Variants in KCNQ5 observed in about 807,000 individuals in gnomAD.
KCNQ5 encodes potassium voltage-gated channel subfamily KQT member 5.
A neutral mutation model predicts 98.2 loss-of-function variants in KCNQ5; 30 were observed. That is an observed-to-expected ratio of 0.31 (90% CI 0.23 to 0.41). The LOEUF (loss-of-function observed/expected upper bound fraction) is 0.41. Ranked by LOEUF, KCNQ5 falls within the 10% of genes least tolerant of loss-of-function variation. KCNQ5 has a pLI of 1.00. For missense variants in KCNQ5, 835 were observed against 1,182.5 expected, an observed-to-expected ratio of 0.71 and a Z score of 4.31; for synonymous variants, 458 against 449.4, an observed-to-expected ratio of 1.02 and a Z score of -0.24.
intron 1 of KCNQ5, among the ~76,000 whole-genome samples, chr6:72,663,383 A>C (rs928364856): frequency 3.3e-5 from 5 of 152,198 alleles, no homozygotes; most frequent in African/African-American, 1.2e-4. Flanking sequence ...TGGTAATCAT[A>C]TTTGGTATTT....
chr6:72,689,808 C>A (rs1768124439), intron 1 of KCNQ5, among the ~76,000 whole-genome samples: 2 of 148,384 alleles, frequency 1.3e-5, no homozygotes, highest in Non-Finnish European at 1.5e-5. Context: ...AACCTCAGTG[C>A]AACAGGAAAG....
At chr6:72,963,714 G>A (rs77446245) in intron 1 of KCNQ5, among the ~76,000 whole-genome samples, 14,896 of 151,942 alleles carry the variant, frequency 0.098, 862 homozygotes, top group East Asian at 0.23. Context: ...CCACACTGGA[G>A]TGCAGTGGTG....
Position 73,133,588 on chromosome 6 carries a change from G to A in KCNQ5, c.1415G>A (p.Arg472His). Residue 472 changes from arginine to histidine, a missense_variant, in exon 10 of 14, where the codon CGC (arginine) becomes CAC (histidine). This residue lies in a region of KCNQ5 where 146 missense variants were observed against 256.7 expected (regional missense o/e 0.57). Transcript: ENST00000370398. Reference protein sequence around the residue: ...QKSWSFNDRTRFRPSLRLKSS... With the variant: ...QKSWSFNDRTHFRPSLRLKSS... ...AGCTGGAGCTTCAACGACCGAACCCGCTTCCGGCCCTCGCTGCGCCTCAAA... is the reference window on the plus strand; with the variant it reads ...AGCTGGAGCTTCAACGACCGAACCCACTTCCGGCCCTCGCTGCGCCTCAAA... 1.2e-6 allele frequency: 2 copies of A among 1,614,196 alleles called. No individual in the cohort carries two copies. Among genetic ancestry groups the A allele is most frequent in the Non-Finnish European group, 1.7e-6 (2 of 1,180,030 alleles).
rs79666248 is a variant in KCNQ5, at chr6:72,684,571, C to T, written c.398+61984C>T. Among the ~76,000 whole-genome samples, 1,471 of 152,232 alleles carry T rather than the reference C, an allele frequency of 9.7e-3. 24 individuals carry two copies. The highest frequency in any genetic ancestry group is 0.033 in the African/African-American group (1,391 of 41,532). On this transcript the variant is annotated intron_variant, in intron 1 of 13. Coordinates refer to ENST00000370398, the MANE Select transcript of KCNQ5 (RefSeq NM_019842.4). ...ATTGTATACATGTATCAAAATATCA[C>T]ACTGTATCTCCAAAATAGGTACAAT...
intron 2 of KCNQ5, among the ~76,000 whole-genome samples, chr6:73,012,736 G>T (rs1439528028): frequency 6.6e-6 from 1 of 151,844 alleles, no homozygotes; most frequent in South Asian, 2.1e-4. Context: ...CTAAGTGATG[G>T]GTTGATAGAT....
chr6:72,872,839 A>C (rs1778265199), intron 1 of KCNQ5, among the ~76,000 whole-genome samples: 1 of 152,132 alleles, frequency 6.6e-6, no homozygotes, highest in Non-Finnish European at 1.5e-5. Context: ...CTGTCAACCA[A>C]AAAACCTTGA....
chr6:73,177,357 T>C (rs1778250312), intron 11 of KCNQ5, among the ~76,000 whole-genome samples: 2 of 152,234 alleles, frequency 1.3e-5, no homozygotes. Flanking sequence ...AGCTCAGATC[T>C]GATCAGTGAA....
chr6:72,695,070 A>G (rs113693964), intron 1 of KCNQ5, among the ~76,000 whole-genome samples: 16 of 152,302 alleles, frequency 1.1e-4, no homozygotes, highest in African/African-American at 3.4e-4. Context: ...GTAGCATTCC[A>G]TGATATATAT....
intron 9 of KCNQ5, chr6:73,129,854 C>G (rs574476649): frequency 6.2e-7 from 1 of 1,610,740 alleles, no homozygotes; most frequent in African/African-American, 1.3e-5. Context: ...GCAGAGGTAC[C>G]CAGCATCCGG....
chr6:72,919,803 A>T (rs999280823), intron 1 of KCNQ5, among the ~76,000 whole-genome samples: 2 of 152,214 alleles, frequency 1.3e-5, no homozygotes, highest in African/African-American at 2.4e-5. Flanking sequence ...TAGACCAATC[A>T]TGTCATTTGT....
chr6:73,103,548 T>C (rs949597250), intron 5 of KCNQ5, among the ~76,000 whole-genome samples: 2 of 152,154 alleles, frequency 1.3e-5, no homozygotes, highest in African/African-American at 4.8e-5. Flanking sequence ...GATGAGTTAA[T>C]GGGTGCAGCA....
intron 2 of KCNQ5, among the ~76,000 whole-genome samples, chr6:73,018,125 C>A (rs1292906191): frequency 6.6e-6 from 1 of 152,078 alleles, no homozygotes; most frequent in Admixed American, 6.6e-5. Context: ...GGGGGGCATT[C>A]CTGCCTCTTT....
intron 1 of KCNQ5, among the ~76,000 whole-genome samples, chr6:72,694,698 A>T (rs1175208096): frequency 6.6e-6 from 1 of 152,196 alleles, no homozygotes; most frequent in Non-Finnish European, 1.5e-5. Context: ...ACGATACTGG[A>T]ACTACACCTT....
At chr6:73,081,453 A>T (rs9442881) in intron 5 of KCNQ5, among the ~76,000 whole-genome samples, 10,059 of 151,914 alleles carry the variant, frequency 0.066, 520 homozygotes, top group African/African-American at 0.15. Flanking sequence ...TGTGGGAGTG[A>T]TTTTTCTCTT....
At chr6:72,644,548 A>G (rs1765488362) in intron 1 of KCNQ5, among the ~76,000 whole-genome samples, 1 of 152,152 alleles carries the variant, frequency 6.6e-6, no homozygotes, top group Admixed American at 6.6e-5. Flanking sequence ...GAGTAGATAA[A>G]TTCTCAAATA....
chr6:72,979,947 T>C (rs888132348), intron 1 of KCNQ5, among the ~76,000 whole-genome samples: 1 of 152,176 alleles, frequency 6.6e-6, no homozygotes, highest in Non-Finnish European at 1.5e-5. Flanking sequence ...TTTCCCCATT[T>C]CTTGTTTTTG....
intron 10 of KCNQ5, among the ~76,000 whole-genome samples, chr6:73,139,041 A>G (rs1776598314): frequency 6.6e-6 from 1 of 152,182 alleles, no homozygotes; most frequent in Non-Finnish European, 1.5e-5. Flanking sequence ...CTCTGGCTTC[A>G]TTTCTCTGAT....
intron 5 of KCNQ5, among the ~76,000 whole-genome samples, chr6:73,078,475 C>T (rs1773628663): frequency 6.6e-6 from 1 of 152,074 alleles, no homozygotes; most frequent in African/African-American, 2.4e-5. Context: ...AGAAAATTAA[C>T]ACATGCTAAA....
intron 1 of KCNQ5, among the ~76,000 whole-genome samples, chr6:72,896,683 G>A (rs1779264402): frequency 6.6e-6 from 1 of 152,066 alleles, no homozygotes; most frequent in African/African-American, 2.4e-5. Context: ...TACTTATTTG[G>A]ATGATAAATT....
Sources: gnomAD v4.1 joint callset for allele counts (sites outside exome capture counted in the v4.1 genomes callset) on GRCh38, gnomAD v4.1.1 for gene constraint, gnomAD v4.1.1 regional missense constraint, MANE v1.5 for transcripts, NCBI Gene and HGNC (gene_info 2026-07-23, HGNC 2026-07-21) for gene names.